Variants in ZFAT observed in about 807,000 individuals in gnomAD.
The protein encoded by ZFAT is zinc finger and AT-hook domain containing.
In ZFAT, 64 loss-of-function variants were observed where a neutral mutation model predicts 117.7. The observed-to-expected ratio is 0.54, with a 90% CI of 0.44 to 0.67. The LOEUF (loss-of-function observed/expected upper bound fraction) is 0.67. Among genes scored for constraint, ZFAT ranks in the 30% least tolerant of loss-of-function variants. The probability of loss-of-function intolerance (pLI) is 0.00; values close to 1 mark genes in which losing one functional copy is unlikely to be tolerated. For missense variants in ZFAT, 1,433 were observed against 1,584.5 expected, an observed-to-expected ratio of 0.90 and a Z score of 1.62; for synonymous variants, 679 against 615.0, an observed-to-expected ratio of 1.10 and a Z score of -1.54.
chr8:134,699,472 A>C (rs571350470), intron 1 of ZFAT, among the ~76,000 whole-genome samples: 104 of 152,242 alleles, frequency 6.8e-4, no homozygotes, highest in Middle Eastern at 3.4e-3. Flanking sequence ...CCCGTTTCCT[A>C]ATCTGTATAA....
the ZFAT span, among the ~76,000 whole-genome samples, chr8:134,809,702 C>T: frequency 1.3e-5 from 2 of 152,178 alleles, no homozygotes; most frequent in South Asian, 2.1e-4. Context: ...TTTATCATGT[C>T]GGTAAACTGT....
intron 7 of ZFAT, 124 bp downstream of exon 7, chr8:134,600,312 G>A (rs754202188): frequency 1.8e-5 from 16 of 897,650 alleles, no homozygotes; most frequent in Non-Finnish European, 2.6e-5. Flanking sequence ...AGCTGTGTAA[G>A]GAGAAGGATC....
chr8:134,602,661 T>C lies in ZFAT; in HGVS notation c.1058A>G (p.Lys353Arg), dbSNP rs778852766. 3.7e-6 allele frequency: 6 copies of C among 1,614,116 alleles called. No individual in the cohort carries two copies. In the Admixed American group the frequency reaches 8.3e-5, roughly 22 times the overall value. ...CTTCTTGCAGAAGCGGCAGTGCTGC[T>C]TGATCTTCTTGTGCACTCGCTCGAT... is the stretch of plus-strand genomic sequence containing the variant. ...VHIERVHKKI[K>R]QHCRFCKKKY... The change falls in exon 6 of 16, where the codon AAG becomes AGG. Residue 353 changes from lysine to arginine, a missense_variant. Lys to Arg is a conservative substitution (Grantham distance 26). Coordinates refer to ENST00000377838, the MANE Select transcript of ZFAT (RefSeq NM_020863.4).
At chr8:134,813,787 C>T in the ZFAT span, among the ~76,000 whole-genome samples, 1 of 138,098 alleles carries the variant, frequency 7.2e-6, no homozygotes, top group Non-Finnish European at 1.5e-5. Flanking sequence ...AAAAGGTATG[C>T]CGTTTTGATT....
intron 3 of ZFAT, among the ~76,000 whole-genome samples, chr8:134,619,202 A>T (rs941353033): frequency 6.6e-6 from 1 of 152,188 alleles, no homozygotes; most frequent in African/African-American, 2.4e-5. Context: ...CACTTACATT[A>T]GCCTAGAGTT....
intron 12 of ZFAT, among the ~76,000 whole-genome samples, chr8:134,523,074 C>T (rs372223519): frequency 6.6e-6 from 1 of 152,160 alleles, no homozygotes. Context: ...AGACTCAATG[C>T]CCCTTTCTAC....
chr8:134,664,095 CT>C (rs1832079101), intron 1 of ZFAT, among the ~76,000 whole-genome samples: 1 of 152,090 alleles, frequency 6.6e-6, no homozygotes, highest in African/African-American at 2.4e-5. Context: ...ATGGAAGGGG[CT>C]CCCAGACTCC....
the ZFAT span, among the ~76,000 whole-genome samples, chr8:134,825,305 T>C: frequency 6.6e-6 from 1 of 152,244 alleles, no homozygotes; most frequent in Non-Finnish European, 1.5e-5. Context: ...ACAATTACAC[T>C]TACTTTATAC....
At chr8:134,600,738 A>T in intron 6 of ZFAT, 70 bp from the exon 7 acceptor site, 2 of 1,234,240 alleles carry the variant, frequency 1.6e-6, no homozygotes. Context: ...TTAAATTATT[A>T]TTATTTTTTA....
rs1194613070 is a variant in ZFAT, at chr8:134,657,583, G to A, written c.174C>T (p.Pro58=). The change falls in exon 2 of 16, where the codon CCC becomes CCT. Residue 58 remains proline, a synonymous_variant. Transcript: ENST00000377838. ...PLRPLSTPEP[P]NSSKTGDEFL... is the part of the protein sequence containing the mutation. ...TACCATCTCCGGTTTTGCTTGAGTTGGGGGGTTCAGGTGTACTCAGAGGCC... is the reference window on the plus strand; with the variant it reads ...TACCATCTCCGGTTTTGCTTGAGTTAGGGGGTTCAGGTGTACTCAGAGGCC... 2 of 1,611,994 alleles carry A rather than the reference G, an allele frequency of 1.2e-6. No homozygotes were observed. The highest frequency in any genetic ancestry group is 1.7e-6 in the Non-Finnish European group (2 of 1,178,764).
At chr8:134,767,896 T>A in the ZFAT span, among the ~76,000 whole-genome samples, 20 of 152,318 alleles carry the variant, frequency 1.3e-4, no homozygotes, top group Non-Finnish European at 2.5e-4. Context: ...CTCTTAGGCA[T>A]CATCTTCTAC....
In ZFAT at chr8:134,588,397, T is replaced by G; in HGVS notation, c.2564-2A>C. 1 of 1,572,974 alleles carries G rather than the reference T, an allele frequency of 6.4e-7. No individual in the cohort carries two copies. Among genetic ancestry groups the G allele is most frequent in the Non-Finnish European group, 8.6e-7 (1 of 1,161,024 alleles). On this transcript the variant is annotated splice_acceptor_variant, in intron 8 of 15. Transcript: ENST00000377838. LOFTEE classifies it high-confidence loss of function. The stretch of plus-strand genomic sequence containing the variant: ...CAGAAATGGTGCTCATGGAGACCTC[T>G]AGAAGAAAAGCAGGATGTCAAAAGG...
At chr8:134,533,646 C>G (rs1219798200) in intron 11 of ZFAT, among the ~76,000 whole-genome samples, 1 of 152,226 alleles carries the variant, frequency 6.6e-6, no homozygotes, top group Non-Finnish European at 1.5e-5. Flanking sequence ...TGTCAACCAT[C>G]AGGGAAGTCC....
intron 1 of ZFAT, among the ~76,000 whole-genome samples, chr8:134,673,964 C>T (rs1832675466): frequency 6.6e-6 from 1 of 152,098 alleles, no homozygotes; most frequent in Admixed American, 6.6e-5. Flanking sequence ...ATAGAAAAAA[C>T]TGAGGTAGCT....
chr8:134,572,639 C>G (rs1202369490), intron 10 of ZFAT, among the ~76,000 whole-genome samples: 6 of 152,190 alleles, frequency 3.9e-5, no homozygotes, highest in Non-Finnish European at 7.3e-5. Flanking sequence ...GTAGTCGCTT[C>G]TTTTCCTCTT....
At chr8:134,488,000 C>T (rs774934595) in intron 15 of ZFAT, among the ~76,000 whole-genome samples, 4 of 152,158 alleles carry the variant, frequency 2.6e-5, no homozygotes, top group Non-Finnish European at 4.4e-5. Flanking sequence ...GGGAAGACGC[C>T]CCACCAGGAC....
At chr8:134,724,787 C>A in the ZFAT span, among the ~76,000 whole-genome samples, 4 of 152,178 alleles carry the variant, frequency 2.6e-5, no homozygotes, top group Admixed American at 2.6e-4. Flanking sequence ...GGGAGAAACT[C>A]GCCTCCCTTC....
At chr8:134,813,012 T>A in the ZFAT span, among the ~76,000 whole-genome samples, 1 of 152,308 alleles carries the variant, frequency 6.6e-6, no homozygotes, top group South Asian at 2.1e-4. Context: ...TGCTGTTAAC[T>A]GAGAAGGATG....
At chr8:134,653,112 G>A (rs1381832983) in intron 2 of ZFAT, among the ~76,000 whole-genome samples, 4 of 150,334 alleles carry the variant, frequency 2.7e-5, no homozygotes, top group East Asian at 3.9e-4. Flanking sequence ...ACAGTATTGT[G>A]TACTTAACAT....
Sources: allele counts gnomAD v4.1 joint callset (sites outside exome capture counted in the v4.1 genomes callset), GRCh38; gene constraint gnomAD v4.1.1; transcripts MANE v1.5; gene names NCBI Gene and HGNC (gene_info 2026-07-23, HGNC 2026-07-21).